DLGAP3: variants seen among roughly 807,000 people sequenced by gnomAD.
The protein encoded by DLGAP3 is DLG associated protein 3.
A neutral mutation model predicts 81.2 loss-of-function variants in DLGAP3; 17 were observed. That is an observed-to-expected ratio of 0.21 (90% CI 0.14 to 0.31). The LOEUF (loss-of-function observed/expected upper bound fraction) is 0.31, where lower values mean the gene tolerates loss of function less well. Among genes scored for constraint, DLGAP3 ranks in the 10% least tolerant of loss-of-function variants. The pLI is 1.00. For missense variants in DLGAP3, 1,124 were observed against 1,388.0 expected, an observed-to-expected ratio of 0.81 and a Z score of 3.02; for synonymous variants, 577 against 587.4, an observed-to-expected ratio of 0.98 and a Z score of 0.26.
chr1:34,894,013 C>G (rs1569629264), intron 5 of DLGAP3, among the ~76,000 whole-genome samples: 1 of 152,170 alleles, frequency 6.6e-6, no homozygotes, highest in East Asian at 1.9e-4. Flanking sequence ...CATAGTGAAG[C>G]CCCATCTCTA....
At chr1:34,911,536 A>G (rs190033396) in intron 1 of DLGAP3, among the ~76,000 whole-genome samples, 209 of 152,306 alleles carry the variant, frequency 1.4e-3, no homozygotes, top group Middle Eastern at 0.014. Flanking sequence ...CCACTTTTGC[A>G]GTAGCCTATG....
chr1:34,918,186 T>C (rs1639745186), intron 1 of DLGAP3, among the ~76,000 whole-genome samples: 1 of 152,068 alleles, frequency 6.6e-6, no homozygotes, highest in Non-Finnish European at 1.5e-5. Flanking sequence ...TCCCTTTCCA[T>C]GTGGAAATGA....
intron 1 of DLGAP3, among the ~76,000 whole-genome samples, chr1:34,911,380 A>G (rs902789711): frequency 3.9e-5 from 6 of 152,228 alleles, no homozygotes; most frequent in South Asian, 4.1e-4. Context: ...TCAGATTAGT[A>G]TAGAATAAAG....
intron 1 of DLGAP3, among the ~76,000 whole-genome samples, chr1:34,923,371 A>G (rs1357522739): frequency 2.0e-5 from 3 of 152,200 alleles, no homozygotes; most frequent in African/African-American, 7.2e-5. Flanking sequence ...CAGGAGGCTT[A>G]AAAATGTAAA....
chr1:34,871,963 C>T (rs1638987643), intron 8 of DLGAP3, among the ~76,000 whole-genome samples: 1 of 152,160 alleles, frequency 6.6e-6, no homozygotes, highest in Non-Finnish European at 1.5e-5. Context: ...TCCTGGCCAG[C>T]AGCCAGAGAT....
intron 1 of DLGAP3, among the ~76,000 whole-genome samples, chr1:34,907,886 C>T (rs892076205): frequency 1.3e-5 from 2 of 152,170 alleles, no homozygotes; most frequent in African/African-American, 4.8e-5. Context: ...TTTCAGGCCA[C>T]TTTATTTTTG....
At chr1:34,901,168 G>A (rs1040255320) in intron 3 of DLGAP3, among the ~76,000 whole-genome samples, 5 of 152,068 alleles carry the variant, frequency 3.3e-5, no homozygotes, top group East Asian at 1.9e-4. Flanking sequence ...GGCTGGAGGC[G>A]GACATGTGGG....
chr1:34,867,178 A>T lies in DLGAP3; in HGVS notation c.2591T>A (p.Phe864Tyr). 7 of 1,614,186 alleles carry T rather than the reference A, an allele frequency of 4.3e-6. No individual in the cohort carries two copies. The highest frequency in any genetic ancestry group is 5.9e-6 in the Non-Finnish European group (7 of 1,180,020). ...LCQQSMDPTAFPVPTFQDLAG... is the reference protein window; with the variant it reads ...LCQQSMDPTAYPVPTFQDLAG... ...CAGGTCCTGGAAGGTGGGCACAGGG[A>T]ACGCAGTGGGATCCTGCAACAGAGG... Residue 864 changes from phenylalanine (F) to tyrosine (Y), a missense_variant, in exon 11 of 12, where the codon TTC (phenylalanine) becomes TAC (tyrosine). By Grantham distance (22) the Phe-to-Tyr change is conservative. Coordinates refer to ENST00000373347, the MANE Select transcript of DLGAP3 (RefSeq NM_001080418.3). The surrounding 1 kb of genome is among the most constrained non-coding windows in gnomAD (Gnocchi z 4.3).
rs772901314 is a variant in DLGAP3 at position 34,899,711 on chromosome 1, C to G, written c.1344G>C (p.Arg448=). The stretch of plus-strand genomic sequence containing the variant: ...AACGGCTGTAGCCAGGGATGGAGCT[C>G]CGGGGGTGGATCCGGGGTGGGACAC... ...NCCVPPRIHP[R]SSIPGYSRSL... Residue 448 remains arginine, a synonymous_variant, in exon 5 of 12, where the codon CGG becomes CGC. Transcript: ENST00000373347. 3 of 1,613,922 alleles carry G rather than the reference C, an allele frequency of 1.9e-6. No individual in the cohort carries two copies. The highest frequency in any genetic ancestry group is 1.7e-5 in the Admixed American group (1 of 60,002).
Position 34,895,676 on chromosome 1 carries a change from C to T in DLGAP3, c.1386+3993G>A, listed in dbSNP as rs1251987807. 1.3e-5 allele frequency among the ~76,000 whole-genome samples: 2 copies of T among 152,074 alleles called. No homozygotes were observed. The highest frequency in any genetic ancestry group is 1.5e-5 in the Non-Finnish European group (1 of 68,028). On this transcript the variant is annotated intron_variant, in intron 5 of 11. Transcript: ENST00000373347. The surrounding 1 kb of genome is among the most constrained non-coding windows in gnomAD (Gnocchi z 4.5). ...ATAATTTCAGCTTACCAAAATCAATCCTTACCACACAGTTACAGCAATCAA... is the reference window on the plus strand; with the variant it reads ...ATAATTTCAGCTTACCAAAATCAATTCTTACCACACAGTTACAGCAATCAA...
intron 1 of DLGAP3, among the ~76,000 whole-genome samples, chr1:34,926,969 T>G (rs1409971040): frequency 6.6e-6 from 1 of 152,024 alleles, no homozygotes; most frequent in Non-Finnish European, 1.5e-5. Flanking sequence ...AGCCCCAACA[T>G]CAGCTGGAAG....
At chr1:34,899,590 T>G in intron 5 of DLGAP3, 79 bp downstream of exon 5, 1 of 1,290,720 alleles carries the variant, frequency 7.7e-7, no homozygotes, top group South Asian at 1.2e-5. Context: ...GCAGACCCTC[T>G]GATTTTAAGT....
chr1:34,889,200 C>T (rs1639278185), intron 5 of DLGAP3, among the ~76,000 whole-genome samples: 1 of 152,170 alleles, frequency 6.6e-6, no homozygotes, highest in Non-Finnish European at 1.5e-5. Context: ...TGAAATCCCA[C>T]CCACAGGCAA....
At chr1:34,870,634 G>A (rs530514776) in intron 8 of DLGAP3, among the ~76,000 whole-genome samples, 3 of 152,254 alleles carry the variant, frequency 2.0e-5, no homozygotes, top group South Asian at 2.1e-4. Flanking sequence ...AGTCTCCAAC[G>A]AGCCCTATGT....
At position 34,884,967 on chromosome 1, in the gene DLGAP3, C is replaced by T; in HGVS notation, c.2000+11G>A. The T allele has an allele frequency of 6.2e-7, 1 of 1,607,386 alleles. No homozygotes were observed. The highest frequency in any genetic ancestry group is 1.1e-5 in the South Asian group (1 of 90,730). ...CCCAGCGAAGCCTGGGCACTCCCACCGTGACTTTACCTCTTGTCCTCTTCC... is the reference window on the plus strand; with the variant it reads ...CCCAGCGAAGCCTGGGCACTCCCACTGTGACTTTACCTCTTGTCCTCTTCC... On this transcript the variant is annotated intron_variant, in intron 8 of 11. Coordinates refer to ENST00000373347, the MANE Select transcript of DLGAP3 (RefSeq NM_001080418.3).
intron 8 of DLGAP3, among the ~76,000 whole-genome samples, chr1:34,883,886 G>A (rs966976325): frequency 2.0e-5 from 3 of 152,014 alleles, no homozygotes; most frequent in African/African-American, 7.3e-5. Flanking sequence ...GAACAGAGCT[G>A]CGAGGAACCA....
At position 34,876,616 on chromosome 1, in the gene DLGAP3, C is replaced by T. The variant is rs576855347; in HGVS notation, c.2001-7527G>A. Among the ~76,000 whole-genome samples, 8 of 152,278 alleles carry T rather than the reference C, an allele frequency of 5.3e-5. No homozygotes were observed. In the East Asian group the frequency reaches 9.6e-4, roughly 18 times the overall value. On this transcript the variant is annotated intron_variant, in intron 8 of 11. Coordinates refer to ENST00000373347, the MANE Select transcript of DLGAP3 (RefSeq NM_001080418.3). The stretch of plus-strand genomic sequence containing the variant: ...GACTGTGCAGGTGTATGACTAAGGA[C>T]GCCTGCAGCAGACAGGCCAGGGAGC...
At chr1:34,888,199 G>T (rs564427065) in intron 5 of DLGAP3, among the ~76,000 whole-genome samples, 1 of 152,336 alleles carries the variant, frequency 6.6e-6, no homozygotes, top group East Asian at 1.9e-4. Context: ...CCTGATCCAT[G>T]TGTAAACTGC....
chr1:34,908,929 C>CA (rs1639599257), intron 1 of DLGAP3, among the ~76,000 whole-genome samples: 1 of 152,200 alleles, frequency 6.6e-6, no homozygotes, highest in Non-Finnish European at 1.5e-5. Flanking sequence ...GATAGCCTCT[C>CA]AAATAGTTGT....
Sources: allele counts gnomAD v4.1 joint callset (sites outside exome capture counted in the v4.1 genomes callset), GRCh38; gene constraint gnomAD v4.1.1; non-coding constraint Gnocchi (gnomAD v3.1); transcripts MANE v1.5; gene names NCBI Gene and HGNC (gene_info 2026-07-23, HGNC 2026-07-21).